The following FNIP1 variants were observed in gnomAD, a reference collection of about 807,000 sequenced individuals.
The protein encoded by FNIP1 is folliculin interacting protein 1.
A neutral mutation model predicts 124.5 loss-of-function variants in FNIP1; 40 were observed. The ratio of observed to expected loss-of-function variants is 0.32; its 90% confidence interval spans 0.25 to 0.42. The LOEUF (loss-of-function observed/expected upper bound fraction) is 0.42. Among genes scored for constraint, FNIP1 ranks in the 10% least tolerant of loss-of-function variants. The pLI is 1.00. For missense variants in FNIP1, 1,176 were observed against 1,403.7 expected, an observed-to-expected ratio of 0.84 and a Z score of 2.59; for synonymous variants, 472 against 470.6, an observed-to-expected ratio of 1.00 and a Z score of -0.04.
intron 6 of FNIP1, among the ~76,000 whole-genome samples, chr5:131,714,109 G>A (rs1226387825): frequency 1.3e-5 from 2 of 152,222 alleles, no homozygotes; most frequent in African/African-American, 4.8e-5. Context: ...ATAGCTGATA[G>A]GCTGCTCCCA....
In FNIP1 at chr5:131,670,483, C is replaced by T. The variant is rs748378994; in HGVS notation, c.3088G>A (p.Asp1030Asn). The T allele has an allele frequency of 2.5e-6, 4 of 1,610,548 alleles. No homozygotes were observed. In the South Asian group the frequency reaches 4.4e-5, roughly 18 times the overall value. Residue 1030 changes from aspartate (D) to asparagine (N), a missense_variant, in exon 15 of 18, where the codon GAT (aspartate) becomes AAT (asparagine). Asp to Asn is a conservative substitution (Grantham distance 23). Around this residue, in one of 2 missense-constraint regions of FNIP1, gnomAD observed 1,109 missense variants for 1,288.5 expected, o/e 0.86. Transcript: ENST00000510461. ...DERFRQCLMS[D>N]LSHAVQHPVL... ...CTCACCTGCACAGCATGAGATAAAT[C>T]TGACATCAGACACTGACGGAACCTC... is the stretch of plus-strand genomic sequence containing the variant.
At chr5:131,709,803 T>A (rs1421371900) in intron 7 of FNIP1, among the ~76,000 whole-genome samples, 1 of 152,160 alleles carries the variant, frequency 6.6e-6, no homozygotes, top group Non-Finnish European at 1.5e-5. Flanking sequence ...AAAAGTGTTT[T>A]CCAAGTTTTC....
intron 1 of FNIP1, among the ~76,000 whole-genome samples, chr5:131,790,221 T>C (rs1772358947): frequency 6.6e-6 from 1 of 152,204 alleles, no homozygotes; most frequent in Non-Finnish European, 1.5e-5. Flanking sequence ...GTGTGTGTTC[T>C]GACAGAAAAT....
At chr5:131,790,516 T>A (rs565333368) in intron 1 of FNIP1, among the ~76,000 whole-genome samples, 19 of 148,008 alleles carry the variant, frequency 1.3e-4, no homozygotes, top group African/African-American at 4.7e-4. Flanking sequence ...ACCTACTTAG[T>A]TGCTCCAGCC....
chr5:131,674,381 G>A (rs1767852234), intron 13 of FNIP1, among the ~76,000 whole-genome samples: 1 of 152,172 alleles, frequency 6.6e-6, no homozygotes, highest in African/African-American at 2.4e-5. Context: ...CTATATTTAT[G>A]CTATACTTCA....
At chr5:131,657,282 G>A (rs1488596974) in intron 15 of FNIP1, among the ~76,000 whole-genome samples, 1 of 151,870 alleles carries the variant, frequency 6.6e-6, no homozygotes, top group Admixed American at 6.6e-5. Context: ...GATTACAGGC[G>A]TGAGCCACCA....
intron 1 of FNIP1, among the ~76,000 whole-genome samples, chr5:131,790,478 C>A (rs1365085827): frequency 9.2e-4 from 65 of 70,570 alleles, no homozygotes; most frequent in East Asian, 3.4e-3. Context: ...GAACCTGTCT[C>A]AAAAAAAAAA....
intron 3 of FNIP1, among the ~76,000 whole-genome samples, chr5:131,722,767 C>A (rs1769715774): frequency 6.6e-6 from 1 of 152,172 alleles, no homozygotes; most frequent in South Asian, 2.1e-4. Flanking sequence ...CTCACTGCAA[C>A]CTCCGCCTCC....
chr5:131,722,272 G>A (rs2149544361), intron 3 of FNIP1, among the ~76,000 whole-genome samples: 1 of 152,182 alleles, frequency 6.6e-6, no homozygotes, highest in East Asian at 1.9e-4. Flanking sequence ...GGTCTCTGAG[G>A]GTATCTGGAA....
intron 15 of FNIP1, among the ~76,000 whole-genome samples, chr5:131,653,267 G>A (rs544941232): frequency 1.8e-4 from 28 of 152,244 alleles, no homozygotes; most frequent in African/African-American, 6.5e-4. Flanking sequence ...GCTGGGCGTG[G>A]TAGTTCACGC....
chr5:131,770,328 C>T (rs1385619532), intron 1 of FNIP1, among the ~76,000 whole-genome samples: 1 of 152,130 alleles, frequency 6.6e-6, no homozygotes, highest in Admixed American at 6.6e-5. Context: ...AATAAGACTA[C>T]CATATTGTAA....
intron 11 of FNIP1, among the ~76,000 whole-genome samples, chr5:131,697,968 C>CAAAAAAAAAAAAAAA (rs753487190): frequency 4.3e-4 from 25 of 58,618 alleles, no homozygotes; most frequent in South Asian, 7.3e-4. Context: ...GACTCCACCT[C>CAAAAAAAAAAAAAAA]AAAAAAAAAA....
In FNIP1 at chr5:131,761,183, A is replaced by G. The variant is rs191826615; in HGVS notation, c.93-16493T>C. Among the ~76,000 whole-genome samples the G allele has an allele frequency of 5.9e-5, 9 of 152,356 alleles. No individual in the cohort carries two copies. In the East Asian group the frequency reaches 1.3e-3, roughly 23 times the overall value. On this transcript the variant is annotated intron_variant, in intron 1 of 17. Transcript: ENST00000510461. ...GTATATGGTCATATAATGCTCTATTACTTTACACAACATTTAATTTTTTGG... is the reference window on the plus strand; with the variant it reads ...GTATATGGTCATATAATGCTCTATTGCTTTACACAACATTTAATTTTTTGG...
intron 16 of FNIP1, among the ~76,000 whole-genome samples, chr5:131,651,032 C>A (rs1202455420): frequency 6.6e-6 from 1 of 152,032 alleles, no homozygotes; most frequent in African/African-American, 2.4e-5. Context: ...ATGTACACAA[C>A]CCCTTCTGTC....
At chr5:131,749,810 C>T (rs1013757783) in intron 1 of FNIP1, among the ~76,000 whole-genome samples, 25 of 152,038 alleles carry the variant, frequency 1.6e-4, no homozygotes, top group African/African-American at 5.1e-4. Flanking sequence ...CAGCAATACG[C>T]TGTACAGGTT....
chr5:131,764,028 T>C (rs1363773619), intron 1 of FNIP1, among the ~76,000 whole-genome samples: 1 of 152,106 alleles, frequency 6.6e-6, no homozygotes, highest in African/African-American at 2.4e-5. Context: ...GATGCTGTCC[T>C]TGCGTGAGAG....
rs1485461180 is a variant in FNIP1 at position 131,652,082 on chromosome 5, A to T, written c.3109-83T>A. ...GGTAATTCAGCAATGAAGGTTTACT[A>T]AACAAAAACAGAAAAAAAAATTAAA... On this transcript the variant is annotated intron_variant, in intron 15 of 17. Transcript: ENST00000510461. The T allele has an allele frequency of 4.6e-6, 6 of 1,314,598 alleles. No individual in the cohort carries two copies. In the Admixed American group the frequency reaches 1.4e-4, roughly 32 times the overall value. The allele number at this position is 1,314,598 out of a possible 1,614,324, so 81.4% of individuals were successfully genotyped here.
chr5:131,790,746 A>G (rs1772383163), intron 1 of FNIP1, among the ~76,000 whole-genome samples: 1 of 152,224 alleles, frequency 6.6e-6, no homozygotes, highest in Admixed American at 6.5e-5. Flanking sequence ...AAGAAATCAG[A>G]AAAGGCTTCC....
At chr5:131,731,160 T>C in intron 2 of FNIP1, 122 bp from the exon 3 acceptor site, 5 of 795,710 alleles carry the variant, frequency 6.3e-6, no homozygotes, top group East Asian at 2.7e-5. Flanking sequence ...AACATTAATA[T>C]GGCTATTGGC....
Sources: gnomAD v4.1 joint callset for allele counts (sites outside exome capture counted in the v4.1 genomes callset) on GRCh38, gnomAD v4.1.1 for gene constraint, gnomAD v4.1.1 regional missense constraint, MANE v1.5 for transcripts, NCBI Gene and HGNC (gene_info 2026-07-23, HGNC 2026-07-21) for gene names.